TRPC7: variants seen among roughly 807,000 people sequenced by gnomAD.
TRPC7 encodes the protein transient receptor potential cation channel subfamily C member 7, also known as short transient receptor potential channel 7.
Under a neutral mutation model 90.1 loss-of-function variants are expected in TRPC7, and 42 were observed. The ratio of observed to expected loss-of-function variants is 0.47; its 90% CI spans 0.36 to 0.60. TRPC7 has a LOEUF of 0.60. Ranked by LOEUF, TRPC7 falls within the 20% of genes least tolerant of loss-of-function variation. TRPC7 has a pLI of 0.00. For missense variants in TRPC7, 955 were observed against 1,112.3 expected (o/e 0.86, Z 2.01); for synonymous variants, 451 against 436.3 (o/e 1.03, Z -0.42).
chr5:136,247,393 G>T lies in TRPC7; in HGVS notation c.1844+78C>A. On this transcript the variant is annotated intron_variant, in intron 7 of 11. Coordinates refer to ENST00000513104, the MANE Select transcript of TRPC7 (RefSeq NM_020389.3). This position sits in a 1 kb window ranked among gnomAD's most constrained non-coding sequence, Gnocchi z 4.2. ...AGCAAGGAAACAGCAGTCTCTGCAA[G>T]AAGCCACCTTCAGGAGACTCCCAAG... 6.8e-7 allele frequency: 1 copy of T among 1,476,366 alleles called. No individual in the cohort carries two copies. Among genetic ancestry groups the T allele is most frequent in the Non-Finnish European group, 9.1e-7 (1 of 1,098,668 alleles). 91.5% of individuals were successfully genotyped at this position (1,476,366 alleles called of 1,614,324 possible). A position where few individuals can be genotyped will look rare whatever the true frequency, so the allele number is the denominator to read the frequency against.
At chr5:136,219,082 T>G (rs1160286502) in intron 10 of TRPC7, among the ~76,000 whole-genome samples, 1 of 152,188 alleles carries the variant, frequency 6.6e-6, no homozygotes, top group Non-Finnish European at 1.5e-5. Flanking sequence ...AAAGAGGGTT[T>G]GGGCTGTGTC....
At chr5:136,282,177 C>CA (rs1287488309) in intron 3 of TRPC7, among the ~76,000 whole-genome samples, 14 of 152,040 alleles carry the variant, frequency 9.2e-5, no homozygotes, top group African/African-American at 2.9e-4. Context: ...AGTGTCTGAC[C>CA]AGTACAAAAA....
At chr5:136,315,859 G>A in intron 2 of TRPC7, 80 bp from the exon 3 acceptor site, 6 of 1,373,268 alleles carry the variant, frequency 4.4e-6, no homozygotes, top group Non-Finnish European at 6.1e-6. Flanking sequence ...GTGTCGATCA[G>A]CAACTGCTCA....
At chr5:136,346,397 A>G (rs1010184998) in intron 2 of TRPC7, among the ~76,000 whole-genome samples, 2 of 152,228 alleles carry the variant, frequency 1.3e-5, no homozygotes, top group South Asian at 2.1e-4. Flanking sequence ...TTTTTGTCAT[A>G]CTTGAGAGGG....
At chr5:136,319,122 G>A (rs1394861038) in intron 2 of TRPC7, among the ~76,000 whole-genome samples, 2 of 152,078 alleles carry the variant, frequency 1.3e-5, no homozygotes, top group Non-Finnish European at 2.9e-5. Flanking sequence ...CTCCTAAATA[G>A]TCATTTCATA....
At chr5:136,360,144 T>C (rs2149864066) in intron 1 of TRPC7, among the ~76,000 whole-genome samples, 1 of 152,302 alleles carries the variant, frequency 6.6e-6, no homozygotes, top group Admixed American at 6.5e-5. Context: ...TAATGACTAC[T>C]GAACCAAGTC....
chr5:136,225,387 A>G, intron 9 of TRPC7, 33 bp from the exon 10 acceptor site: 1 of 1,596,542 alleles, frequency 6.3e-7, no homozygotes, highest in Non-Finnish European at 8.6e-7. Context: ...CACACATCAC[A>G]CAGAAAAACA....
At chr5:136,277,838 G>A (rs754589274) in intron 3 of TRPC7, among the ~76,000 whole-genome samples, 20 of 152,204 alleles carry the variant, frequency 1.3e-4, no homozygotes, top group Non-Finnish European at 2.4e-4. Context: ...GGCCATTCCT[G>A]CCCAGAACAT....
intron 8 of TRPC7, among the ~76,000 whole-genome samples, chr5:136,226,706 C>T (rs1484023550): frequency 6.6e-6 from 1 of 152,098 alleles, no homozygotes; most frequent in Admixed American, 6.5e-5. Context: ...AAAAGATGAG[C>T]CACATAGGTA....
intron 3 of TRPC7, among the ~76,000 whole-genome samples, chr5:136,301,698 T>C (rs532035076): frequency 1.3e-3 from 201 of 152,254 alleles, no homozygotes; most frequent in African/African-American, 4.6e-3. Flanking sequence ...TCCCAAAACC[T>C]ATAAGAACTA....
chr5:136,346,544 A>G lies in TRPC7; in HGVS notation c.780+10064T>C, dbSNP rs555301258. ...CACATACACCATGTACACATACAAC[A>G]CACACATGTACACATACACACAACA... On this transcript the variant is annotated intron_variant, in intron 2 of 11. Transcript: ENST00000513104. 7.9e-5 allele frequency among the ~76,000 whole-genome samples: 12 copies of G among 152,204 alleles called. 1 individual carries two copies. The South Asian group carries it at 2.5e-3, about 32-fold the overall frequency.
intron 2 of TRPC7, among the ~76,000 whole-genome samples, chr5:136,331,918 C>T (rs1041197576): frequency 6.6e-6 from 1 of 152,152 alleles, no homozygotes; most frequent in Non-Finnish European, 1.5e-5. Context: ...TCCCTACTCT[C>T]ATGGAGCTTA....
intron 3 of TRPC7, among the ~76,000 whole-genome samples, chr5:136,285,772 A>G (rs1757692438): frequency 1.3e-5 from 2 of 152,218 alleles, no homozygotes; most frequent in Admixed American, 1.3e-4. Context: ...AACTATGCTT[A>G]GAAAAAACAA....
intron 10 of TRPC7, among the ~76,000 whole-genome samples, chr5:136,217,863 AAAAATTAGCTGGG>A (rs1755320869): frequency 6.6e-6 from 1 of 151,608 alleles, no homozygotes; most frequent in Non-Finnish European, 1.5e-5. Context: ...CTAAAAATAC[AAAAATTAGCTGGG>A]CATGGTGGTG....
intron 5 of TRPC7, among the ~76,000 whole-genome samples, chr5:136,263,410 A>C (rs2149810980): frequency 6.6e-6 from 1 of 152,352 alleles, no homozygotes; most frequent in Non-Finnish European, 1.5e-5. Context: ...CGGAGTGCCC[A>C]TCATTCAACC....
intron 3 of TRPC7, among the ~76,000 whole-genome samples, chr5:136,308,270 G>A (rs1284364150): frequency 6.6e-6 from 1 of 152,180 alleles, no homozygotes; most frequent in Non-Finnish European, 1.5e-5. Context: ...GTGGCATGTG[G>A]CCAGGCGAGA....
intron 2 of TRPC7, among the ~76,000 whole-genome samples, chr5:136,352,506 C>T (rs1760223902): frequency 1.3e-5 from 2 of 151,952 alleles, no homozygotes; most frequent in Non-Finnish European, 2.9e-5. Flanking sequence ...CAGATTAATT[C>T]AGGAGAGCTT....
At chr5:136,363,809 G>A (rs1760641593) in intron 1 of TRPC7, among the ~76,000 whole-genome samples, 1 of 151,996 alleles carries the variant, frequency 6.6e-6, no homozygotes, top group Non-Finnish European at 1.5e-5. Context: ...CTAGTGCTTT[G>A]TATGTGCTTC....
At chr5:136,253,942 A>G (rs1425016332) in intron 5 of TRPC7, among the ~76,000 whole-genome samples, 1 of 152,246 alleles carries the variant, frequency 6.6e-6, no homozygotes, top group African/African-American at 2.4e-5. Flanking sequence ...GGAAATTAAA[A>G]GTACTACTCC....
Sources: allele counts gnomAD v4.1 joint callset (sites outside exome capture counted in the v4.1 genomes callset), GRCh38; gene constraint gnomAD v4.1.1; non-coding constraint Gnocchi (gnomAD v3.1); transcripts MANE v1.5; gene names NCBI Gene and HGNC (gene_info 2026-07-23, HGNC 2026-07-21).